The following TRAPPC9 variants were observed in gnomAD, a reference collection of about 807,000 sequenced individuals.
The protein encoded by TRAPPC9 is IKK2 binding protein.
A neutral mutation model predicts 124.0 loss-of-function variants in TRAPPC9; 83 were observed. That is an observed-to-expected ratio of 0.67 (90% CI 0.56 to 0.80). The LOEUF is 0.80. Ranked by LOEUF, TRAPPC9 falls within the 30% of genes least tolerant of loss-of-function variation. TRAPPC9 has a pLI of 0.00. For synonymous variants in TRAPPC9, 638 were observed against 617.5 expected (o/e 1.03, Z -0.49); for missense variants, 1,302 against 1,508.3 (o/e 0.86, Z 2.27).
intron 17 of TRAPPC9, among the ~76,000 whole-genome samples, chr8:140,178,389 T>C (rs2062119195): frequency 6.6e-6 from 1 of 152,164 alleles, no homozygotes; most frequent in African/African-American, 2.4e-5. Context: ...TCTATTAATA[T>C]AGTGAATGAC....
chr8:140,391,264 T>TTGCCTCCC (rs1483788201), intron 7 of TRAPPC9, among the ~76,000 whole-genome samples: 1 of 152,186 alleles, frequency 6.6e-6, no homozygotes, highest in Non-Finnish European at 1.5e-5. Context: ...TCCTGAATAT[T>TTGCCTCCC]TGGTTTGTGG....
chr8:140,405,833 C>T, intron 5 of TRAPPC9, 135 bp from the exon 6 acceptor site: 1 of 950,434 alleles, frequency 1.1e-6, no homozygotes, highest in African/African-American at 1.6e-5. Flanking sequence ...TTAGTCTTCA[C>T]AGCTTATATG....
chr8:139,803,230 G>C (rs1823681752), intron 21 of TRAPPC9, among the ~76,000 whole-genome samples: 1 of 152,192 alleles, frequency 6.6e-6, no homozygotes, highest in Non-Finnish European at 1.5e-5. Context: ...GTGTATGTCT[G>C]TGTGCTGTTG....
chr8:139,750,747 A>T (rs1586760141), intron 21 of TRAPPC9, among the ~76,000 whole-genome samples: 1 of 152,184 alleles, frequency 6.6e-6, no homozygotes, highest in Non-Finnish European at 1.5e-5. Context: ...CCGTGGGACC[A>T]TTCAAACTGC....
At chr8:140,432,268 G>A (rs1007945615) in intron 4 of TRAPPC9, among the ~76,000 whole-genome samples, 5 of 151,962 alleles carry the variant, frequency 3.3e-5, no homozygotes, top group Non-Finnish European at 5.9e-5. Context: ...AAAATACGAT[G>A]CTCAGAGACC....
At position 140,246,227 on chromosome 8, in the gene TRAPPC9, G is replaced by T. The variant is rs117658363; in HGVS notation, c.2431+6550C>A. On this transcript the variant is annotated intron_variant, in intron 16 of 22. Transcript: ENST00000438773. ...CGGAGCCCTTCAACACAACCTCAAT[G>T]CTCTCTAATCACTCCTTTGCTGCAA... Among the ~76,000 whole-genome samples, 172 of 152,260 alleles carry T rather than the reference G, an allele frequency of 1.1e-3. 1 individual carries two copies. The East Asian group carries it at 0.031, about 27-fold the overall frequency.
chr8:139,794,744 C>A, intron 21 of TRAPPC9, among the ~76,000 whole-genome samples: 1 of 152,210 alleles, frequency 6.6e-6, no homozygotes, highest in East Asian at 1.9e-4. Context: ...TCCCTGCCAT[C>A]CTCAGAGGGG....
chr8:140,357,752 C>T (rs1000336178), intron 9 of TRAPPC9, among the ~76,000 whole-genome samples: 1 of 152,192 alleles, frequency 6.6e-6, no homozygotes, highest in African/African-American at 2.4e-5. Flanking sequence ...CTGCTCCCTC[C>T]CGTCACCGAA....
intron 9 of TRAPPC9, among the ~76,000 whole-genome samples, chr8:140,350,916 G>C (rs1460854627): frequency 6.6e-6 from 1 of 152,030 alleles, no homozygotes. Context: ...GTAACTGTGA[G>C]GGGTGTCCGG....
chr8:139,904,091 G>C lies in TRAPPC9; in HGVS notation c.2964+6056C>G, dbSNP rs559388190. Reference sequence around the variant, plus strand: ...AAGCAAAAGAGAACACATACTATCAGAGCAGGGTCCACACCTGATTTTGAG... The same window carrying C: ...AAGCAAAAGAGAACACATACTATCACAGCAGGGTCCACACCTGATTTTGAG... On this transcript the variant is annotated intron_variant, in intron 20 of 22. Coordinates refer to ENST00000438773, the MANE Select transcript of TRAPPC9 (RefSeq NM_001160372.4). 2.6e-5 allele frequency among the ~76,000 whole-genome samples: 4 copies of C among 152,242 alleles called. No homozygotes were observed. In the South Asian group the frequency reaches 8.3e-4, roughly 32 times the overall value.
intron 21 of TRAPPC9, among the ~76,000 whole-genome samples, chr8:139,757,178 G>C (rs1819892188): frequency 7.8e-6 from 1 of 129,004 alleles, no homozygotes; most frequent in Non-Finnish European, 1.6e-5. Context: ...AGGGTTTAGG[G>C]ATGAGGACAG....
chr8:140,288,550 T>C lies in TRAPPC9; in HGVS notation c.1855-816A>G, dbSNP rs183069425. ...CAGCCCTCAGGACTTCTCAGCATTG[T>C]AACAGAGGTCCTACTCAGGGCACTA... On this transcript the variant is annotated intron_variant, in intron 12 of 22. Coordinates refer to ENST00000438773, the MANE Select transcript of TRAPPC9 (RefSeq NM_001160372.4). Among the ~76,000 whole-genome samples, 38 of 152,206 alleles carry C rather than the reference T, an allele frequency of 2.5e-4. No individual in the cohort carries two copies. The East Asian group carries it at 7.0e-3, about 28-fold the overall frequency.
intron 17 of TRAPPC9, among the ~76,000 whole-genome samples, chr8:140,054,659 A>C (rs1411250027): frequency 1.3e-5 from 2 of 152,180 alleles, no homozygotes; most frequent in East Asian, 1.9e-4. Context: ...GGACTAAAAA[A>C]CGAAGAAGAA....
chr8:139,820,021 A>G (rs563342489), intron 21 of TRAPPC9, among the ~76,000 whole-genome samples: 12 of 150,946 alleles, frequency 7.9e-5, no homozygotes, highest in East Asian at 3.9e-4. Flanking sequence ...AAAAAAAAAA[A>G]AAAAAAAAAA....
intron 21 of TRAPPC9, among the ~76,000 whole-genome samples, chr8:139,789,490 A>G (rs1161761779): frequency 6.6e-6 from 1 of 151,892 alleles, no homozygotes; most frequent in Non-Finnish European, 1.5e-5. Flanking sequence ...GGATATCTAC[A>G]TCTCAGACCT....
chr8:140,092,253 A>G lies in TRAPPC9; in HGVS notation c.2557-68174T>C, dbSNP rs1844620527. ...TTTGCTGTTACCCAGGCTAGACTACAAGGGCGCAATCTCGGCTCACTGCAA... is the reference window on the plus strand; with the variant it reads ...TTTGCTGTTACCCAGGCTAGACTACGAGGGCGCAATCTCGGCTCACTGCAA... On this transcript the variant is annotated intron_variant, in intron 17 of 22. Coordinates refer to ENST00000438773, the MANE Select transcript of TRAPPC9 (RefSeq NM_001160372.4). Among the ~76,000 whole-genome samples, 3 of 148,168 alleles carry G rather than the reference A, an allele frequency of 2.0e-5. No individual in the cohort carries two copies. The South Asian group carries it at 6.3e-4, about 31-fold the overall frequency.
intron 15 of TRAPPC9, among the ~76,000 whole-genome samples, chr8:140,263,111 A>G (rs2064486778): frequency 6.6e-6 from 1 of 152,200 alleles, no homozygotes; most frequent in Admixed American, 6.5e-5. Context: ...ACCATGTAGG[A>G]AGTGCTCAGT....
chr8:139,807,652 T>C (rs945227993), intron 21 of TRAPPC9, among the ~76,000 whole-genome samples: 1 of 152,032 alleles, frequency 6.6e-6, no homozygotes, highest in Admixed American at 6.5e-5. Flanking sequence ...CCACAAAAGG[T>C]GGGCGAACGG....
intron 10 of TRAPPC9, among the ~76,000 whole-genome samples, chr8:140,309,321 C>T (rs932728704): frequency 1.3e-5 from 2 of 152,230 alleles, no homozygotes; most frequent in Non-Finnish European, 2.9e-5. Flanking sequence ...AATTTTTAAG[C>T]CCGGCTTAAA....
Sources: allele counts gnomAD v4.1 joint callset (sites outside exome capture counted in the v4.1 genomes callset), GRCh38; gene constraint gnomAD v4.1.1; transcripts MANE v1.5; gene names NCBI Gene and HGNC (gene_info 2026-07-23, HGNC 2026-07-21).